The following TFG variants were observed in gnomAD, a reference collection of about 807,000 sequenced individuals.
TFG encodes trafficking from ER to golgi regulator, also known as protein TFG.
In TFG, 22 loss-of-function variants were observed where a neutral mutation model predicts 51.4. The ratio of observed to expected loss-of-function variants is 0.43; its 90% CI spans 0.31 to 0.61. The LOEUF (loss-of-function observed/expected upper bound fraction) is 0.61, where lower values mean the gene tolerates loss of function less well. Ranked by LOEUF, TFG falls within the 20% of genes least tolerant of loss-of-function variation. The pLI is 0.12. For missense variants in TFG, 419 were observed against 487.7 expected, an observed-to-expected ratio of 0.86 and a Z score of 1.33; for synonymous variants, 187 against 165.6, an observed-to-expected ratio of 1.13 and a Z score of -0.99.
rs1458239547 is a variant in TFG, at chr3:100,748,597, T to C, written c.*66T>C. The C allele has an allele frequency of 1.4e-6, 2 of 1,451,872 alleles. No individual in the cohort carries two copies. Among genetic ancestry groups the C allele is most frequent in the Non-Finnish European group, 1.8e-6 (2 of 1,087,872 alleles). The allele number at this position is 1,451,872 out of a possible 1,614,324, so 89.9% of individuals were successfully genotyped here. On this transcript the variant is annotated 3_prime_UTR_variant, in exon 8 of 8. Transcript: ENST00000240851. ...GGCCTCCCAAAAGACTCCAGTACTA[T>C]TTTAATTTGTATTGAAGAAGTTCAG...
rs148479730 is a variant in TFG, at chr3:100,732,155, C to T, written c.416-353C>T. 6.7e-3 allele frequency among the ~76,000 whole-genome samples: 1,016 copies of T among 151,988 alleles called. 10 individuals carry two copies. The highest frequency in any genetic ancestry group is 0.022 in the African/African-American group (922 of 41,442). ...TATTTCCAGAGTGCCCAGTGGGTATCTGATACTAGGATATAGGTTATTGGG... is the reference window on the plus strand; with the variant it reads ...TATTTCCAGAGTGCCCAGTGGGTATTTGATACTAGGATATAGGTTATTGGG... On this transcript the variant is annotated intron_variant, in intron 4 of 7. Transcript: ENST00000240851.
chr3:100,714,050 G>A (rs1370529734), intron 2 of TFG, among the ~76,000 whole-genome samples, 181 bp downstream of exon 2: 1 of 151,848 alleles, frequency 6.6e-6, no homozygotes, highest in Non-Finnish European at 1.5e-5. Context: ...GGCATGAACT[G>A]CCATGCCTGA....
intron 2 of TFG, among the ~76,000 whole-genome samples, chr3:100,719,205 C>G (rs1559707783): frequency 1.3e-5 from 2 of 152,128 alleles, no homozygotes; most frequent in African/African-American, 2.4e-5. Flanking sequence ...AGTCTTGTGG[C>G]CTCCCCAGGA....
chr3:100,710,239 C>G (rs912474304), intron 1 of TFG: 1 of 152,190 alleles, frequency 6.6e-6, no homozygotes. Context: ...GAGGCCCAGC[C>G]TGGTTTATAG....
intron 2 of TFG, among the ~76,000 whole-genome samples, chr3:100,715,115 A>G (rs2095042011): frequency 6.6e-6 from 1 of 152,176 alleles, no homozygotes; most frequent in African/African-American, 2.4e-5. Flanking sequence ...TGCTTAACCT[A>G]GTTTTCTTAT....
At chr3:100,714,894 T>A (rs575924374) in intron 2 of TFG, among the ~76,000 whole-genome samples, 1 of 152,350 alleles carries the variant, frequency 6.6e-6, no homozygotes, top group South Asian at 2.1e-4. Context: ...GCAAACACAC[T>A]GAGTAGAATT....
chr3:100,741,524 A>G (rs1177178163), intron 6 of TFG, among the ~76,000 whole-genome samples: 1 of 152,224 alleles, frequency 6.6e-6, no homozygotes, highest in African/African-American at 2.4e-5. Flanking sequence ...TAAAAAATCA[A>G]GTTTATAAAG....
chr3:100,732,781 A>G (rs549160292), intron 5 of TFG, 109 bp downstream of exon 5: 2 of 948,210 alleles, frequency 2.1e-6, no homozygotes, highest in Non-Finnish European at 1.6e-6. Flanking sequence ...GAAGTGCACA[A>G]ATCTTAAGGG....
At chr3:100,720,463 C>G (rs147702539) in intron 3 of TFG, among the ~76,000 whole-genome samples, 1 of 152,196 alleles carries the variant, frequency 6.6e-6, no homozygotes, top group East Asian at 1.9e-4. Flanking sequence ...CCTTTTTGCA[C>G]TGGAAACTGG....
intron 6 of TFG, among the ~76,000 whole-genome samples, chr3:100,738,950 A>G (rs1337411885): frequency 6.6e-6 from 1 of 152,196 alleles, no homozygotes; most frequent in African/African-American, 2.4e-5. Context: ...CTGGGATTTG[A>G]CACTGATTTG....
intron 2 of TFG, 98 bp downstream of exon 2, chr3:100,713,967 C>A: frequency 1.4e-6 from 1 of 711,916 alleles, no homozygotes; most frequent in Non-Finnish European, 2.1e-6. Flanking sequence ...GTGGTGTGAT[C>A]ATAGCTCAGT....
chr3:100,735,858 A>T (rs189131409), intron 5 of TFG, among the ~76,000 whole-genome samples: 4 of 152,246 alleles, frequency 2.6e-5, no homozygotes, highest in African/African-American at 9.6e-5. Context: ...AAGAGTGCAG[A>T]GTCTTTAAGA....
intron 4 of TFG, among the ~76,000 whole-genome samples, chr3:100,730,016 G>T (rs1451109752): frequency 6.6e-6 from 1 of 152,170 alleles, no homozygotes; most frequent in African/African-American, 2.4e-5. Context: ...TCAGGTCAAA[G>T]AAGGTTGCCT....
intron 6 of TFG, chr3:100,742,560 A>T (rs1352304289): frequency 6.6e-6 from 1 of 152,126 alleles, no homozygotes; most frequent in African/African-American, 2.4e-5. Flanking sequence ...GCAACCACAC[A>T]CACACCCATA....
intron 2 of TFG, among the ~76,000 whole-genome samples, chr3:100,716,446 A>G (rs2095046745): frequency 6.6e-6 from 1 of 152,146 alleles, no homozygotes; most frequent in African/African-American, 2.4e-5. Flanking sequence ...ATCTGTTGTT[A>G]GACACTTAGG....
intron 3 of TFG, among the ~76,000 whole-genome samples, chr3:100,720,360 A>G (rs1419299490): frequency 1.3e-5 from 2 of 152,178 alleles, no homozygotes; most frequent in Non-Finnish European, 2.9e-5. Flanking sequence ...AGAATTTTTA[A>G]ATTGTAATTA....
At position 100,716,739 on chromosome 3, in the gene TFG, T is replaced by C. The variant is rs150364470; in HGVS notation, c.184+2870T>C. 2.7e-4 allele frequency among the ~76,000 whole-genome samples: 41 copies of C among 152,314 alleles called. 1 individual carries two copies. The East Asian group carries it at 7.7e-3, about 29-fold the overall frequency. Reference sequence around the variant, plus strand: ...TTGATAATAACCATCCTAACTGGGGTGAACCTTGTTGTGGTCTTCATTTTC... The same window carrying C: ...TTGATAATAACCATCCTAACTGGGGCGAACCTTGTTGTGGTCTTCATTTTC... On this transcript the variant is annotated intron_variant, in intron 2 of 7. Coordinates refer to ENST00000240851, the MANE Select transcript of TFG (RefSeq NM_006070.6).
At chr3:100,729,275 G>T (rs1045126526) in intron 4 of TFG, among the ~76,000 whole-genome samples, 3 of 151,984 alleles carry the variant, frequency 2.0e-5, no homozygotes, top group Admixed American at 6.6e-5. Context: ...ACATAGTGTT[G>T]GAAGTATTTT....
intron 2 of TFG, among the ~76,000 whole-genome samples, chr3:100,714,390 A>G (rs900996071): frequency 6.6e-6 from 1 of 151,872 alleles, no homozygotes; most frequent in African/African-American, 2.4e-5. Context: ...AATCCCAACT[A>G]CTCGGGAGGA....
Sources: allele counts gnomAD v4.1 joint callset (sites outside exome capture counted in the v4.1 genomes callset), GRCh38; gene constraint gnomAD v4.1.1; transcripts MANE v1.5; gene names NCBI Gene and HGNC (gene_info 2026-07-23, HGNC 2026-07-21).